CCDC112: variants seen among roughly 807,000 people sequenced by gnomAD.
CCDC112 encodes the protein coiled-coil domain-containing protein 112.
CCDC112 carries 40 observed loss-of-function variants against 66.3 expected under a neutral mutation model. The ratio of observed to expected loss-of-function variants is 0.60; its 90% confidence interval spans 0.47 to 0.79. The LOEUF (loss-of-function observed/expected upper bound fraction) is 0.79. CCDC112 is among the 30% of genes least tolerant of loss of function. The pLI is 0.00. For synonymous variants in CCDC112, 214 were observed against 197.2 expected (o/e 1.09, Z -0.71); for missense variants, 659 against 603.8 (o/e 1.09, Z -0.96).
At position 115,269,701 on chromosome 5, in the gene CCDC112, A is replaced by G. The variant is rs757759921; in HGVS notation, c.1428+2T>C. On this transcript the variant is annotated splice_donor_variant, in intron 8 of 9. Coordinates refer to ENST00000379611, the MANE Select transcript of CCDC112 (RefSeq NM_001040440.3). LOFTEE classifies it high-confidence loss of function. ...AATGAAAATAATCTCGGTGCAGAGT[A>G]CCTTTTCTTTTAATTTTGCCAGTCT... The G allele has an allele frequency of 6.3e-7, 1 of 1,577,488 alleles. No homozygotes were observed. The highest frequency in any genetic ancestry group is 1.8e-5 in the Admixed American group (1 of 57,052).
chr5:115,295,380 T>C (rs1750106585), intron 1 of CCDC112, among the ~76,000 whole-genome samples: 1 of 152,208 alleles, frequency 6.6e-6, no homozygotes, highest in Non-Finnish European at 1.5e-5. Flanking sequence ...ACGTATTATG[T>C]ATATTTATAT....
At position 115,271,302 on chromosome 5, in the gene CCDC112, A is replaced by G; in HGVS notation, c.1243T>C (p.Leu415=). 2 of 1,611,810 alleles carry G rather than the reference A, an allele frequency of 1.2e-6. No individual in the cohort carries two copies. Among genetic ancestry groups the G allele is most frequent in the Non-Finnish European group, 1.7e-6 (2 of 1,179,604 alleles). The change falls in exon 7 of 10, where the codon TTG becomes CTG. Residue 415 remains leucine, a synonymous_variant. Transcript: ENST00000379611. ...TCCCTTATCTCCTTTTCAAGCCTCAAAAATTCTTCCTGTTCTTTCTTCTGC... is the reference window on the plus strand; with the variant it reads ...TCCCTTATCTCCTTTTCAAGCCTCAGAAATTCTTCCTGTTCTTTCTTCTGC... ...TQQKKEQEEF[L]RLEKEIREKA...
intron 1 of CCDC112, 174 bp downstream of exon 1, chr5:115,296,253 G>A: frequency 7.7e-7 from 1 of 1,297,864 alleles, no homozygotes; most frequent in Non-Finnish European, 9.8e-7. Context: ...AGGCGGCTCT[G>A]CAAAAGCTGT....
chr5:115,295,526 A>C (rs1248156311), intron 1 of CCDC112, among the ~76,000 whole-genome samples: 2 of 152,180 alleles, frequency 1.3e-5, no homozygotes, highest in African/African-American at 2.4e-5. Context: ...TCCTTAAAGG[A>C]GGAAAAAGAT....
chr5:115,267,801 T>C lies in CCDC112; in HGVS notation c.*75A>G. 1.8e-6 allele frequency: 2 copies of C among 1,104,904 alleles called. No individual in the cohort carries two copies. The highest frequency in any genetic ancestry group is 2.8e-6 in the Non-Finnish European group (2 of 718,260). 68.4% of individuals were successfully genotyped at this position (1,104,904 alleles called of 1,614,324 possible). A position where few individuals can be genotyped will look rare whatever the true frequency, so the allele number is the denominator to read the frequency against. On this transcript the variant is annotated 3_prime_UTR_variant, in exon 10 of 10. Transcript: ENST00000379611. The stretch of plus-strand genomic sequence containing the variant: ...GACTAAGCTATTGATATTTAAAGAA[T>C]GTGGTTAGTCACTCTCTCCCTGGTA...
chr5:115,278,943 C>A (rs1254338854), intron 3 of CCDC112, among the ~76,000 whole-genome samples: 2 of 151,984 alleles, frequency 1.3e-5, no homozygotes, highest in Non-Finnish European at 2.9e-5. Context: ...TGCTAAGCAG[C>A]TTTTTTATTA....
intron 1 of CCDC112, among the ~76,000 whole-genome samples, chr5:115,290,763 T>G (rs1235734143): frequency 6.6e-6 from 1 of 152,186 alleles, no homozygotes; most frequent in Non-Finnish European, 1.5e-5. Context: ...TATTTTTTCT[T>G]AATTTCATTT....
intron 1 of CCDC112, 35 bp from the exon 2 acceptor site, chr5:115,284,943 A>G: frequency 1.9e-6 from 3 of 1,579,748 alleles, no homozygotes; most frequent in Non-Finnish European, 2.6e-6. Context: ...AACAGTAATG[A>G]AAATAGTAAG....
Position 115,276,975 on chromosome 5 carries a change from A to G in CCDC112, c.441T>C (p.Pro147=). The G allele has an allele frequency of 6.3e-7, 1 of 1,591,196 alleles. No homozygotes were observed. The highest frequency in any genetic ancestry group is 8.6e-7 in the Non-Finnish European group (1 of 1,160,964). Residue 147 remains proline (P), a synonymous_variant, in exon 4 of 10, where the codon CCT becomes CCC. Coordinates refer to ENST00000379611, the MANE Select transcript of CCDC112 (RefSeq NM_001040440.3). ...TCTAAATTTACTTACAATCAGGTGT[A>G]GGCTTCACATCTTTTAATTGATGCT... The part of the protein sequence containing the change: ...KLQHQLKDVK[P]TPDFVEKLRE...
chr5:115,280,858 T>G (rs911552191), intron 2 of CCDC112, among the ~76,000 whole-genome samples: 1 of 152,052 alleles, frequency 6.6e-6, no homozygotes, highest in Non-Finnish European at 1.5e-5. Flanking sequence ...ATTTTCTTAA[T>G]GTGTTTCTTT....
intron 1 of CCDC112, among the ~76,000 whole-genome samples, chr5:115,287,443 C>T (rs1580807506): frequency 1.3e-5 from 2 of 152,208 alleles, no homozygotes; most frequent in East Asian, 1.9e-4. Flanking sequence ...TTGAACAGAG[C>T]TCCTGCAGTA....
At chr5:115,282,490 C>G (rs192393869) in intron 2 of CCDC112, among the ~76,000 whole-genome samples, 1 of 152,176 alleles carries the variant, frequency 6.6e-6, no homozygotes, top group East Asian at 1.9e-4. Flanking sequence ...GTGTGTGCCT[C>G]TAGAGAGTAC....
Position 115,283,929 on chromosome 5 carries a change from G to A in CCDC112, c.239+858C>T, listed in dbSNP as rs556301510. 5.3e-5 allele frequency among the ~76,000 whole-genome samples: 8 copies of A among 152,006 alleles called. No homozygotes were observed. The South Asian group carries it at 1.7e-3, about 32-fold the overall frequency. On this transcript the variant is annotated intron_variant, in intron 2 of 9. Coordinates refer to ENST00000379611, the MANE Select transcript of CCDC112 (RefSeq NM_001040440.3). Reference sequence around the variant, plus strand: ...TTAACATTCTTCATATTTATATGCTGGTACTGCTGACAACATTGAACATTC... The same window carrying A: ...TTAACATTCTTCATATTTATATGCTAGTACTGCTGACAACATTGAACATTC...
At chr5:115,284,329 C>A (rs1253022853) in intron 2 of CCDC112, among the ~76,000 whole-genome samples, 1 of 152,080 alleles carries the variant, frequency 6.6e-6, no homozygotes, top group Non-Finnish European at 1.5e-5. Flanking sequence ...TCCTCAACAT[C>A]CTCATTTGTA....
chr5:115,294,387 T>C (rs1750059279), intron 1 of CCDC112, among the ~76,000 whole-genome samples: 1 of 152,116 alleles, frequency 6.6e-6, no homozygotes, highest in African/African-American at 2.4e-5. Context: ...GAGATCTCTT[T>C]CTCTCCTCTT....
intron 1 of CCDC112, chr5:115,296,016 T>C (rs1750139714): frequency 4.0e-6 from 4 of 991,992 alleles, no homozygotes; most frequent in Middle Eastern, 5.1e-4. Context: ...GCCGGTACAG[T>C]AACAGAGCTG....
chr5:115,287,331 T>C (rs2127070933), intron 1 of CCDC112, among the ~76,000 whole-genome samples: 1 of 152,362 alleles, frequency 6.6e-6, no homozygotes, highest in Non-Finnish European at 1.5e-5. Flanking sequence ...TTTTAAGGAA[T>C]GTCTACTTAA....
chr5:115,285,950 G>A (rs868537318), intron 1 of CCDC112, among the ~76,000 whole-genome samples: 118 of 152,246 alleles, frequency 7.8e-4, no homozygotes, highest in African/African-American at 2.7e-3. Flanking sequence ...AATGGGTTGT[G>A]GGGGATGAGG....
Position 115,275,457 on chromosome 5 carries a change from G to A in CCDC112, c.677C>T (p.Pro226Leu), listed in dbSNP as rs369831942. The part of the protein sequence containing the change: ...SSKVPVDKVT[P>L]STLPEEVLDF... ...TAGTACCTCTTCTGGAAGAGTACTT[G>A]GTGTTACTTTGTCTACAGGAACTTT... Residue 226 changes from proline to leucine, a missense_variant, in exon 6 of 10, where the codon CCA becomes CTA. Pro to Leu is a moderately conservative substitution (Grantham distance 98). Transcript: ENST00000379611. The A allele has an allele frequency of 9.3e-6, 15 of 1,613,842 alleles. No individual in the cohort carries two copies. The highest frequency in any genetic ancestry group is 1.3e-5 in the Non-Finnish European group (15 of 1,179,954).
Sources: allele counts gnomAD v4.1 joint callset (sites outside exome capture counted in the v4.1 genomes callset), GRCh38; gene constraint gnomAD v4.1.1; transcripts MANE v1.5; gene names NCBI Gene and HGNC (gene_info 2026-07-23, HGNC 2026-07-21).